The following GRIA4 variants were observed in gnomAD, a reference collection of about 807,000 sequenced individuals.
GRIA4 encodes the protein glutamate ionotropic receptor AMPA type subunit 4, also known as glutamate receptor 4.
Under a neutral mutation model 104.0 loss-of-function variants are expected in GRIA4, and 34 were observed. That is an observed-to-expected ratio of 0.33 (90% CI 0.25 to 0.44). GRIA4 has a LOEUF of 0.44. Among genes scored for constraint, GRIA4 ranks in the 20% least tolerant of loss-of-function variants. The pLI, the probability that GRIA4 is intolerant of heterozygous loss-of-function variation, is 1.00. For missense variants in GRIA4, 750 were observed against 1,096.5 expected (o/e 0.68, Z 4.46); for synonymous variants, 386 against 381.9 (o/e 1.01, Z -0.13).
chr11:105,744,785 T>G (rs1484870142), intron 3 of GRIA4, among the ~76,000 whole-genome samples: 1 of 151,768 alleles, frequency 6.6e-6, no homozygotes, highest in East Asian at 1.9e-4. Flanking sequence ...AGTCAAAGAG[T>G]TTTAGTAGCT....
At position 105,980,262 on chromosome 11, in the gene GRIA4, A is replaced by AC. The variant is rs1464618736; in HGVS notation, c.*523_*524insC. The AC allele has an allele frequency of 9.9e-5, 3 of 30,304 alleles. No individual in the cohort carries two copies. Among genetic ancestry groups the AC allele is most frequent in the African/African-American group, 3.4e-4 (3 of 8,902 alleles). The allele number at this position is 30,304 out of a possible 1,614,324, so 1.9% of individuals were successfully genotyped here. On this transcript the variant is annotated 3_prime_UTR_variant, in exon 17 of 17. Transcript: ENST00000282499. ...TGAACAAACATGTAAAACCTGTGGGAAAAAAAAATAAAGGAAGTATGTACA... is the reference window on the plus strand; with the variant it reads ...TGAACAAACATGTAAAACCTGTGGGACAAAAAAAATAAAGGAAGTATGTACA...
At position 105,610,921 on chromosome 11, in the gene GRIA4, A is replaced by G. The variant is rs556785264; in HGVS notation, c.-77A>G. ...TTTTAATTTTAGCGCCATCGTCTTC[A>G]ATGCTTCTCTGAACAGCCTTTAGGA... On this transcript the variant is annotated 5_prime_UTR_variant, in exon 2 of 17. Transcript: ENST00000282499. 27 of 606,704 alleles carry G rather than the reference A, an allele frequency of 4.5e-5. No homozygotes were observed. The Admixed American group carries it at 7.3e-4, about 16-fold the overall frequency. 37.6% of individuals were successfully genotyped at this position (606,704 alleles called of 1,614,324 possible).
intron 4 of GRIA4, among the ~76,000 whole-genome samples, chr11:105,835,770 G>A (rs976287854): frequency 4.6e-5 from 7 of 152,060 alleles, no homozygotes; most frequent in Admixed American, 1.3e-4. Flanking sequence ...AGTTAAGAGA[G>A]TGATGTCATT....
intron 14 of GRIA4, among the ~76,000 whole-genome samples, chr11:105,952,787 A>T (rs749163880): frequency 2.6e-5 from 4 of 152,336 alleles, no homozygotes; most frequent in Admixed American, 6.5e-5. Context: ...GTAGTTTTCA[A>T]GTGCTCATTG....
chr11:105,642,537 G>GAAAAAA lies in GRIA4; in HGVS notation c.247+30124_247+30129dup, dbSNP rs34987277. Among the ~76,000 whole-genome samples, 184 of 72,444 alleles carry GAAAAAA rather than the reference G, an allele frequency of 2.5e-3. 23 individuals carry two copies. The highest frequency in any genetic ancestry group is 0.011 in the African/African-American group (176 of 15,802). The allele number at this position is 72,444 out of a possible 152,430, so 47.5% of individuals were successfully genotyped here. A position where few individuals can be genotyped will look rare whatever the true frequency, so the allele number is the denominator to read the frequency against. On this transcript the variant is annotated intron_variant, in intron 3 of 16. Coordinates refer to ENST00000282499, the MANE Select transcript of GRIA4 (RefSeq NM_000829.4). Reference sequence around the variant, plus strand: ...TATAATCAACATTCTCAATTTTAATGAAAAAAAAAAAAAAAAAAAAAAAAA... The same window carrying GAAAAAA: ...TATAATCAACATTCTCAATTTTAATGAAAAAAAAAAAAAAAAAAAAAAAAAAAAAAA...
At chr11:105,770,589 A>AT (rs1177226731) in intron 4 of GRIA4, among the ~76,000 whole-genome samples, 3 of 151,840 alleles carry the variant, frequency 2.0e-5, no homozygotes, top group Admixed American at 6.6e-5. Flanking sequence ...ATTTCCTCCT[A>AT]TTTTCCAGTT....
At chr11:105,832,572 G>A (rs1399414969) in intron 4 of GRIA4, among the ~76,000 whole-genome samples, 1 of 151,906 alleles carries the variant, frequency 6.6e-6, no homozygotes, top group Non-Finnish European at 1.5e-5. Context: ...CTGAAGCCGA[G>A]AGAAGTGATT....
At chr11:105,903,767 C>T (rs569741560) in intron 7 of GRIA4, 47 bp from the exon 8 acceptor site, 15 of 1,351,946 alleles carry the variant, frequency 1.1e-5, no homozygotes, top group South Asian at 2.4e-5. Flanking sequence ...TTCTGGCACT[C>T]GATAAGATTT....
intron 4 of GRIA4, among the ~76,000 whole-genome samples, chr11:105,839,250 C>T (rs1047306015): frequency 1.3e-5 from 2 of 152,132 alleles, no homozygotes; most frequent in Non-Finnish European, 2.9e-5. Flanking sequence ...GTTTATGTAC[C>T]TGTCATCTTT....
chr11:105,858,113 C>A (rs1945081553), intron 4 of GRIA4, among the ~76,000 whole-genome samples: 1 of 152,032 alleles, frequency 6.6e-6, no homozygotes, highest in Non-Finnish European at 1.5e-5. Context: ...ATGTAATTGA[C>A]AGTGTTCTTT....
chr11:105,844,789 C>A (rs557061742), intron 4 of GRIA4, among the ~76,000 whole-genome samples: 1 of 152,202 alleles, frequency 6.6e-6, no homozygotes, highest in Non-Finnish European at 1.5e-5. Flanking sequence ...ACTACTACCA[C>A]TACTGCTACT....
chr11:105,894,266 A>C (rs1253705253), intron 6 of GRIA4, among the ~76,000 whole-genome samples: 1 of 152,184 alleles, frequency 6.6e-6, no homozygotes, highest in Non-Finnish European at 1.5e-5. Flanking sequence ...CAGGAGTATA[A>C]GGTGAAAAAG....
chr11:105,611,069 G>A lies in GRIA4; in HGVS notation c.72G>A (p.Pro24=), dbSNP rs957571829. 1.2e-6 allele frequency: 2 copies of A among 1,612,642 alleles called. No homozygotes were observed. Among genetic ancestry groups the A allele is most frequent in the East Asian group, 4.5e-5 (2 of 44,854 alleles). Residue 24 remains proline (P), a synonymous_variant, in exon 2 of 17, where the codon CCG becomes CCA. Transcript: ENST00000282499. ...GGGGACTCGCCATGGGAGCCTTTCC[G>A]AGCAGCGTGCAAATAGGTAAGGTGT... ...GFWGLAMGAF[P]SSVQIGGLFI...
At chr11:105,697,967 T>A (rs571516242) in intron 3 of GRIA4, among the ~76,000 whole-genome samples, 3 of 152,296 alleles carry the variant, frequency 2.0e-5, no homozygotes, top group African/African-American at 7.2e-5. Flanking sequence ...CCTTTTCTTA[T>A]TTTCTTTTTC....
chr11:105,670,618 T>G (rs1356925940), intron 3 of GRIA4, among the ~76,000 whole-genome samples: 1 of 152,152 alleles, frequency 6.6e-6, no homozygotes, highest in Non-Finnish European at 1.5e-5. Context: ...CATGCATAAG[T>G]GTATTTATTG....
At chr11:105,721,588 A>G (rs1937824233) in intron 3 of GRIA4, among the ~76,000 whole-genome samples, 1 of 152,230 alleles carries the variant, frequency 6.6e-6, no homozygotes, top group South Asian at 2.1e-4. Flanking sequence ...CACTGTACAA[A>G]TGCCAAAGAG....
At chr11:105,869,799 T>A (rs1441637887) in intron 5 of GRIA4, among the ~76,000 whole-genome samples, 1 of 152,086 alleles carries the variant, frequency 6.6e-6, no homozygotes, top group Admixed American at 6.6e-5. Flanking sequence ...ATGGAACAAA[T>A]TCATTTCTAA....
chr11:105,804,353 T>C (rs1445194193), intron 4 of GRIA4, among the ~76,000 whole-genome samples: 3 of 109,842 alleles, frequency 2.7e-5, no homozygotes, highest in East Asian at 5.0e-4. Flanking sequence ...CAAACACACA[T>C]GCACACACAC....
In GRIA4 at chr11:105,910,490, T is replaced by G; in HGVS notation, c.1214T>G (p.Leu405Arg). Residue 405 changes from leucine to arginine, a missense_variant, in exon 10 of 17, where the codon CTT becomes CGT. Physicochemically the swap from Leu to Arg is moderately radical, Grantham distance 102. This residue lies in a region of GRIA4 where 410 missense variants were observed against 502.7 expected (regional missense o/e 0.82). Transcript: ENST00000282499. The part of the protein sequence containing the change: ...KLVLIQDVPT[L>R]GNDTAAIENR... ...GTCTTGATTCAAGATGTACCAACTC[T>G]TGGCAATGACACAGCTGCTATTGAG... The G allele has an allele frequency of 6.2e-7, 1 of 1,604,026 alleles. No individual in the cohort carries two copies. Among genetic ancestry groups the G allele is most frequent in the Non-Finnish European group, 8.5e-7 (1 of 1,170,920 alleles).
Sources: allele counts gnomAD v4.1 joint callset (sites outside exome capture counted in the v4.1 genomes callset), GRCh38; gene constraint gnomAD v4.1.1; regional missense constraint gnomAD v4.1.1; transcripts MANE v1.5; gene names NCBI Gene and HGNC (gene_info 2026-07-23, HGNC 2026-07-21).